The following SUGCT variants were observed in gnomAD, a reference collection of about 807,000 sequenced individuals.
The protein encoded by SUGCT is succinyl-CoA:glutarate-CoA transferase.
SUGCT carries 41 observed loss-of-function variants against 55.0 expected under a neutral mutation model. The observed-to-expected ratio is 0.74, with a 90% CI of 0.58 to 0.97. The LOEUF (loss-of-function observed/expected upper bound fraction) is 0.97. Among genes scored for constraint, SUGCT ranks in the 50% least tolerant of loss-of-function variants. The pLI is 0.00. For missense variants in SUGCT, 568 were observed against 547.8 expected (o/e 1.04, Z -0.37); for synonymous variants, 187 against 200.4 (o/e 0.93, Z 0.56).
intron 12 of SUGCT, among the ~76,000 whole-genome samples, chr7:40,508,956 C>G (rs924403978): frequency 6.6e-6 from 1 of 152,072 alleles, no homozygotes; most frequent in Non-Finnish European, 1.5e-5. Flanking sequence ...CTTGCCCTGA[C>G]CTTGCTAGCT....
At chr7:40,400,957 A>G (rs1786031403) in intron 9 of SUGCT, among the ~76,000 whole-genome samples, 1 of 152,196 alleles carries the variant, frequency 6.6e-6, no homozygotes. Context: ...CCGTATAATC[A>G]TCAGGAAGGC....
At chr7:40,162,336 C>T (rs1289525094) in intron 1 of SUGCT, among the ~76,000 whole-genome samples, 1 of 152,190 alleles carries the variant, frequency 6.6e-6, no homozygotes, top group Non-Finnish European at 1.5e-5. Context: ...TGTTAGGAAT[C>T]TGCTTTCCTT....
intron 12 of SUGCT, among the ~76,000 whole-genome samples, chr7:40,696,138 C>T (rs955113072): frequency 6.6e-6 from 1 of 152,152 alleles, no homozygotes; most frequent in South Asian, 2.1e-4. Context: ...CACCCATGTC[C>T]AGCAACTATC....
intron 5 of SUGCT, among the ~76,000 whole-genome samples, chr7:40,190,281 G>A (rs915120107): frequency 2.0e-5 from 3 of 152,030 alleles, no homozygotes; most frequent in Non-Finnish European, 2.9e-5. Context: ...AAACAGTCTC[G>A]CTTTGTTGCC....
chr7:40,649,601 G>A (rs1206616489), intron 12 of SUGCT, among the ~76,000 whole-genome samples: 1 of 151,932 alleles, frequency 6.6e-6, no homozygotes, highest in Admixed American at 6.6e-5. Flanking sequence ...ATTTTATTTT[G>A]TTATTAAAGA....
At chr7:40,781,164 A>C (rs1789724525) in intron 13 of SUGCT, among the ~76,000 whole-genome samples, 1 of 152,098 alleles carries the variant, frequency 6.6e-6, no homozygotes, top group South Asian at 2.1e-4. Context: ...TTATGCACGT[A>C]ATGTATCAGT....
At chr7:41,034,368 A>C in the SUGCT span, among the ~76,000 whole-genome samples, 1 of 152,208 alleles carries the variant, frequency 6.6e-6, no homozygotes, top group African/African-American at 2.4e-5. Context: ...CTAACAGTTC[A>C]TTACCTCTGG....
chr7:40,630,795 A>C (rs572749418), intron 12 of SUGCT, among the ~76,000 whole-genome samples: 24 of 151,610 alleles, frequency 1.6e-4, no homozygotes, highest in African/African-American at 4.8e-4. Context: ...AAGTATATTC[A>C]AGATTCTGAG....
chr7:40,819,713 G>C (rs1166954912), intron 13 of SUGCT, among the ~76,000 whole-genome samples: 1 of 152,146 alleles, frequency 6.6e-6, no homozygotes. Flanking sequence ...TAGGTTGCCT[G>C]TTCACTCTGA....
intron 12 of SUGCT, among the ~76,000 whole-genome samples, chr7:40,517,184 T>C (rs1327354059): frequency 6.6e-6 from 1 of 151,896 alleles, no homozygotes; most frequent in Non-Finnish European, 1.5e-5. Flanking sequence ...GTTAATCTTG[T>C]ATCTTTCTAT....
chr7:40,367,817 C>T (rs1056158368), intron 9 of SUGCT, among the ~76,000 whole-genome samples: 1 of 152,148 alleles, frequency 6.6e-6, no homozygotes, highest in African/African-American at 2.4e-5. Context: ...GCCTCCCAAG[C>T]GTCATGTCAC....
At chr7:40,150,969 G>C (rs1327199052) in intron 1 of SUGCT, among the ~76,000 whole-genome samples, 1 of 152,148 alleles carries the variant, frequency 6.6e-6, no homozygotes, top group Non-Finnish European at 1.5e-5. Flanking sequence ...GGGCACTGTG[G>C]TTTACGACTG....
At chr7:40,394,711 C>A (rs771808370) in intron 9 of SUGCT, among the ~76,000 whole-genome samples, 2 of 152,202 alleles carry the variant, frequency 1.3e-5, no homozygotes, top group Non-Finnish European at 2.9e-5. Context: ...TCCCTGGTAA[C>A]CACCATTCTA....
chr7:40,135,822 A>G (rs1025384515), intron 1 of SUGCT, among the ~76,000 whole-genome samples: 1 of 151,890 alleles, frequency 6.6e-6, no homozygotes. Flanking sequence ...ACGCCCAACT[A>G]ATTTTTGTAT....
At chr7:40,173,848 A>C (rs1784795428) in intron 1 of SUGCT, among the ~76,000 whole-genome samples, 1 of 149,090 alleles carries the variant, frequency 6.7e-6, no homozygotes, top group Non-Finnish European at 1.5e-5. Context: ...TATATCATAT[A>C]AATTATATAT....
chr7:40,583,664 A>C (rs1337381720), intron 12 of SUGCT, among the ~76,000 whole-genome samples: 1 of 152,200 alleles, frequency 6.6e-6, no homozygotes, highest in African/African-American at 2.4e-5. Flanking sequence ...ATAAATTGGC[A>C]AAGTATCTTA....
At chr7:40,395,650 C>G (rs1287049223) in intron 9 of SUGCT, among the ~76,000 whole-genome samples, 5 of 152,038 alleles carry the variant, frequency 3.3e-5, no homozygotes, top group Non-Finnish European at 1.5e-5. Context: ...TCCCCCATTC[C>G]CACTCAGCTC....
chr7:40,998,786 C>T, the SUGCT span, among the ~76,000 whole-genome samples: 4 of 152,198 alleles, frequency 2.6e-5, no homozygotes, highest in Non-Finnish European at 4.4e-5. Context: ...GTCTTCCCAG[C>T]CAAAGCAAGT....
chr7:41,030,260 T>C, the SUGCT span, among the ~76,000 whole-genome samples: 1 of 152,290 alleles, frequency 6.6e-6, no homozygotes, highest in African/African-American at 2.4e-5. Flanking sequence ...TTTTCATTAT[T>C]AAGATCTTCA....
Sources: allele counts gnomAD v4.1 joint callset (sites outside exome capture counted in the v4.1 genomes callset), GRCh38; gene constraint gnomAD v4.1.1; transcripts MANE v1.5; gene names NCBI Gene and HGNC (gene_info 2026-07-23, HGNC 2026-07-21).